Variants in PRKCD observed in about 807,000 individuals in gnomAD.
PRKCD encodes the protein protein kinase C delta type.
A neutral mutation model predicts 82.2 loss-of-function variants in PRKCD; 20 were observed. The ratio of observed to expected loss-of-function variants is 0.24; its 90% CI spans 0.17 to 0.35. The LOEUF (loss-of-function observed/expected upper bound fraction) is 0.35. Among genes scored for constraint, PRKCD ranks in the 10% least tolerant of loss-of-function variants. The pLI, the probability that PRKCD is intolerant of heterozygous loss-of-function variation, is 1.00. For missense variants in PRKCD, 607 were observed against 899.0 expected (o/e 0.68, Z 4.15); for synonymous variants, 317 against 337.0 (o/e 0.94, Z 0.65).
At chr3:53,170,659 T>C (rs1553664705) in intron 2 of PRKCD, among the ~76,000 whole-genome samples, 1 of 152,248 alleles carries the variant, frequency 6.6e-6, no homozygotes, top group Admixed American at 6.5e-5. Context: ...TGACACCAGC[T>C]GCCCTTCTGC....
intron 14 of PRKCD, 96 bp from the exon 15 acceptor site, chr3:53,187,244 C>A: frequency 7.5e-7 from 1 of 1,332,652 alleles, no homozygotes; most frequent in Non-Finnish European, 1.1e-6. Context: ...TTATTTGCAG[C>A]ATTTCTTGCT....
intron 7 of PRKCD, chr3:53,181,980 ACAGTAGAGTATTCACG>A (rs1703462834): frequency 1.5e-6 from 1 of 680,660 alleles, no homozygotes. Flanking sequence ...GCAATTGGGC[ACAGTAGAGTATTCACG>A]CAGAAACCAG....
rs1703861452 is a variant in PRKCD at position 53,189,917 on chromosome 3, C to T, written c.1788C>T (p.Asn596=). The T allele has an allele frequency of 1.2e-6, 2 of 1,614,198 alleles. No homozygotes were observed. The highest frequency in any genetic ancestry group is 1.7e-5 in the Admixed American group (1 of 60,024). Residue 596 remains asparagine (N), a synonymous_variant, in exon 18 of 19, where the codon AAC becomes AAT. Coordinates refer to ENST00000330452, the MANE Select transcript of PRKCD (RefSeq NM_006254.4). Reference sequence around the variant, plus strand: ...CCAAGAGGCTGGGAGTGACCGGAAACATCAAAATCCACCCCTTCTTCAAGA... The same window carrying T: ...CCAAGAGGCTGGGAGTGACCGGAAATATCAAAATCCACCCCTTCTTCAAGA... ...EPTKRLGVTG[N]IKIHPFFKTI...
chr3:53,187,004 GC>G (rs1432263173), intron 14 of PRKCD, among the ~76,000 whole-genome samples: 3 of 152,196 alleles, frequency 2.0e-5, no homozygotes, highest in African/African-American at 7.2e-5. Flanking sequence ...CTGGTGCGTG[GC>G]CCCCAGACCT....
chr3:53,161,598 CTG>C (rs1415026514), intron 1 of PRKCD, 170 bp downstream of exon 1: 1 of 152,034 alleles, frequency 6.6e-6, no homozygotes, highest in African/African-American at 2.4e-5. Context: ...CCCTGTCCGT[CTG>C]TGTGTCCCTC....
chr3:53,183,934 G>A (rs17052830), intron 9 of PRKCD, among the ~76,000 whole-genome samples: 4,519 of 152,056 alleles, frequency 0.03, 215 homozygotes, highest in African/African-American at 0.1. Flanking sequence ...TTCACTTAGA[G>A]ATGAGACAGA....
In PRKCD at chr3:53,161,319, C is replaced by T. The variant is rs1412992625; in HGVS notation, c.-241C>T. The T allele has an allele frequency of 6.7e-6, 1 of 149,956 alleles. No individual in the cohort carries two copies. The highest frequency in any genetic ancestry group is 1.5e-5 in the Non-Finnish European group (1 of 67,234). The allele number at this position is 149,956 out of a possible 1,614,324, so 9.3% of individuals were successfully genotyped here. A position where few individuals can be genotyped will look rare whatever the true frequency, so the allele number is the denominator to read the frequency against. On this transcript the variant is annotated 5_prime_UTR_variant, in exon 1 of 19. Coordinates refer to ENST00000330452, the MANE Select transcript of PRKCD (RefSeq NM_006254.4). The stretch of plus-strand genomic sequence containing the variant: ...GAGGCCCGGGCCACACCTCACTGGC[C>T]GCTTGGCCCATCCCAGTCAGCGCCG...
At chr3:53,168,604 G>A (rs144042004) in intron 2 of PRKCD, among the ~76,000 whole-genome samples, 34 of 152,106 alleles carry the variant, frequency 2.2e-4, no homozygotes, top group African/African-American at 7.2e-4. Context: ...CACTTGCCTC[G>A]TCTGTGAAAT....
At chr3:53,177,363 A>G (rs967409020) in intron 2 of PRKCD, among the ~76,000 whole-genome samples, 1 of 152,176 alleles carries the variant, frequency 6.6e-6, no homozygotes, top group African/African-American at 2.4e-5. Context: ...ACTCGACCCC[A>G]AGGGGTCAAT....
At chr3:53,181,791 G>A (rs1553667628) in intron 7 of PRKCD, 59 bp downstream of exon 7, 1 of 1,610,754 alleles carries the variant, frequency 6.2e-7, no homozygotes. Context: ...ACGTGTGCCA[G>A]TGCCTGTGTG....
chr3:53,190,350 T>C (rs1181796535), intron 18 of PRKCD, among the ~76,000 whole-genome samples: 2 of 152,166 alleles, frequency 1.3e-5, no homozygotes, highest in Non-Finnish European at 2.9e-5. Context: ...AAGTGGGAGA[T>C]GCAGTCCCAG....
chr3:53,181,888 G>C (rs369649554), intron 7 of PRKCD, 156 bp downstream of exon 7: 86 of 1,145,448 alleles, frequency 7.5e-5, no homozygotes, highest in Non-Finnish European at 1.1e-4. Flanking sequence ...TGAGTGCTGG[G>C]GCTGGCTTGC....
chr3:53,182,925 C>T (rs1294001308), intron 7 of PRKCD, among the ~76,000 whole-genome samples, 196 bp from the exon 8 acceptor site: 1 of 152,204 alleles, frequency 6.6e-6, no homozygotes, highest in Non-Finnish European at 1.5e-5. Flanking sequence ...CTCTCCGCCC[C>T]GTCCTCTCCA....
chr3:53,176,103 C>T (rs1703204936), intron 2 of PRKCD, among the ~76,000 whole-genome samples: 1 of 152,178 alleles, frequency 6.6e-6, no homozygotes, highest in African/African-American at 2.4e-5. Flanking sequence ...CAGCAGCCCC[C>T]AACTGGCCCT....
chr3:53,186,336 C>A lies in PRKCD; in HGVS notation c.1256C>A (p.Thr419Asn). ...ACCCACCTCATCTGCACCTTCCAGACCAAGGTGCCCGGGCCTCCTGCCGTC... is the reference window on the plus strand; with the variant it reads ...ACCCACCTCATCTGCACCTTCCAGAACAAGGTGCCCGGGCCTCCTGCCGTC... ...FLTHLICTFQ[T>N]KDHLFFVMEF... The change falls in exon 13 of 19, where the codon ACC (threonine) becomes AAC (asparagine). Residue 419 changes from threonine to asparagine, a missense_variant. Thr to Asn is a moderately conservative substitution (Grantham distance 65). Transcript: ENST00000330452. 1 of 1,614,048 alleles carries A rather than the reference C, an allele frequency of 6.2e-7. No individual in the cohort carries two copies. The highest frequency in any genetic ancestry group is 8.5e-7 in the Non-Finnish European group (1 of 1,179,976).
At chr3:53,186,574 C>A in intron 13 of PRKCD, 30 bp from the exon 14 acceptor site, 1 of 1,580,960 alleles carries the variant, frequency 6.3e-7, no homozygotes, top group Admixed American at 1.7e-5. Context: ...GCCTATTCCT[C>A]ACCCCTGCTC....
chr3:53,183,004 C>A, intron 7 of PRKCD, 117 bp from the exon 8 acceptor site: 2 of 966,104 alleles, frequency 2.1e-6, no homozygotes, highest in Admixed American at 2.0e-5. Flanking sequence ...AGGGTGTGGG[C>A]GGTCAGGAGA....
At position 53,161,359 on chromosome 3, in the gene PRKCD, C is replaced by G. The variant is rs1328027977; in HGVS notation, c.-201C>G. The G allele has an allele frequency of 6.6e-6, 1 of 150,378 alleles. No homozygotes were observed. Among genetic ancestry groups the G allele is most frequent in the South Asian group, 2.1e-4 (1 of 4,812 alleles). The allele number at this position is 150,378 out of a possible 1,614,324, so 9.3% of individuals were successfully genotyped here. Reference sequence around the variant, plus strand: ...AGTCAGCGCCGCGCCGAACCCCGTCCGCGCGCGCCGGGGAGCGGCGCCCCC... The same window carrying G: ...AGTCAGCGCCGCGCCGAACCCCGTCGGCGCGCGCCGGGGAGCGGCGCCCCC... On this transcript the variant is annotated 5_prime_UTR_variant, in exon 1 of 19. Coordinates refer to ENST00000330452, the MANE Select transcript of PRKCD (RefSeq NM_006254.4).
rs782148014 is a variant in PRKCD, at chr3:53,192,182, G to A, written c.1947G>A (p.Lys649=). ...AGGCGCGCCTCTCCTACAGCGACAA[G>A]AACCTCATCGACTCCATGGACCAGT... ...NEKARLSYSD[K]NLIDSMDQSA... is the part of the protein sequence containing the mutation. The change falls in exon 19 of 19, where the codon AAG becomes AAA. Residue 649 remains lysine (K), a synonymous_variant. Coordinates refer to ENST00000330452, the MANE Select transcript of PRKCD (RefSeq NM_006254.4). 1.5e-5 allele frequency: 24 copies of A among 1,613,686 alleles called. No individual in the cohort carries two copies. The highest frequency in any genetic ancestry group is 1.7e-5 in the Non-Finnish European group (20 of 1,179,954).
Sources: gnomAD v4.1 joint callset for allele counts (sites outside exome capture counted in the v4.1 genomes callset) on GRCh38, gnomAD v4.1.1 for gene constraint, MANE v1.5 for transcripts, NCBI Gene and HGNC (gene_info 2026-07-23, HGNC 2026-07-21) for gene names.